The following PAPPA variants were observed in gnomAD, a reference collection of about 807,000 sequenced individuals.
The protein encoded by PAPPA is pappalysin 1.
A neutral mutation model predicts 164.0 loss-of-function variants in PAPPA; 60 were observed. The observed-to-expected ratio is 0.37, with a 90% CI of 0.30 to 0.45. The LOEUF (loss-of-function observed/expected upper bound fraction) is 0.45. Ranked by LOEUF, PAPPA falls within the 20% of genes least tolerant of loss-of-function variation. The pLI is 1.00. For missense variants in PAPPA, 1,782 were observed against 2,087.3 expected (o/e 0.85, Z 2.85); for synonymous variants, 875 against 814.1 (o/e 1.07, Z -1.27).
chr9:116,398,328 A>G lies in PAPPA; in HGVS notation c.*1712A>G, dbSNP rs1846994175. 1 of 314,734 alleles carries G rather than the reference A, an allele frequency of 3.2e-6. No individual in the cohort carries two copies. The highest frequency in any genetic ancestry group is 2.2e-5 in the African/African-American group (1 of 45,642). The allele number at this position is 314,734 out of a possible 1,614,324, so 19.5% of individuals were successfully genotyped here. A position where few individuals can be genotyped will look rare whatever the true frequency, so the allele number is the denominator to read the frequency against. ...GGAAGGTCTAGACTAGTTACATCAC[A>G]TAGGGATTACTGTAAATCAAGTCAT... On this transcript the variant is annotated 3_prime_UTR_variant, in exon 22 of 22. Coordinates refer to ENST00000328252, the MANE Select transcript of PAPPA (RefSeq NM_002581.5).
At chr9:116,335,166 A>G in intron 13 of PAPPA, 92 bp downstream of exon 13, 3 of 1,063,442 alleles carry the variant, frequency 2.8e-6, no homozygotes, top group East Asian at 2.4e-5. Context: ...GTGTGGATGT[A>G]AAAAGTCTGT....
intron 10 of PAPPA, among the ~76,000 whole-genome samples, chr9:116,329,510 C>CT (rs1333845828): frequency 5.3e-5 from 8 of 151,922 alleles, no homozygotes; most frequent in Non-Finnish European, 1.2e-4. Context: ...GATTGAGGTC[C>CT]TTTTTTTTCC....
intron 7 of PAPPA, among the ~76,000 whole-genome samples, chr9:116,251,462 C>T (rs906490155): frequency 6.6e-6 from 1 of 152,160 alleles, no homozygotes; most frequent in Admixed American, 6.5e-5. Context: ...CCCAGAGAGG[C>T]CACAGGGAGG....
chr9:116,311,669 T>C (rs898754063), intron 10 of PAPPA, among the ~76,000 whole-genome samples: 1 of 152,222 alleles, frequency 6.6e-6, no homozygotes, highest in Non-Finnish European at 1.5e-5. Flanking sequence ...ATTGTCCTCA[T>C]CTTCACATGA....
At chr9:116,261,875 A>G (rs1022433699) in intron 7 of PAPPA, among the ~76,000 whole-genome samples, 2 of 148,568 alleles carry the variant, frequency 1.3e-5, no homozygotes, top group Non-Finnish European at 3.0e-5. Flanking sequence ...TGACGGTTAA[A>G]TGTAGAAAAA....
At chr9:116,272,362 A>C (rs2118827711) in intron 9 of PAPPA, among the ~76,000 whole-genome samples, 1 of 152,364 alleles carries the variant, frequency 6.6e-6, no homozygotes, top group East Asian at 1.9e-4. Context: ...CAAGCGGATG[A>C]AAACCTTCGT....
chr9:116,255,782 A>G (rs1260314616), intron 7 of PAPPA, among the ~76,000 whole-genome samples: 1 of 151,992 alleles, frequency 6.6e-6, no homozygotes, highest in Non-Finnish European at 1.5e-5. Flanking sequence ...GAAAATCTAC[A>G]TGTTTGGTGA....
chr9:116,269,554 G>A (rs1845113832), intron 8 of PAPPA, among the ~76,000 whole-genome samples: 1 of 152,214 alleles, frequency 6.6e-6, no homozygotes, highest in Non-Finnish European at 1.5e-5. Context: ...CAAGATGTCT[G>A]TGGACACAGA....
chr9:116,184,047 A>C (rs1179514939), intron 1 of PAPPA, among the ~76,000 whole-genome samples: 1 of 152,216 alleles, frequency 6.6e-6, no homozygotes, highest in Non-Finnish European at 1.5e-5. Flanking sequence ...GAGAGAGGGA[A>C]AAAGGATCTT....
intron 19 of PAPPA, among the ~76,000 whole-genome samples, chr9:116,377,238 C>G (rs1346319051): frequency 1.3e-5 from 2 of 151,992 alleles, no homozygotes; most frequent in Non-Finnish European, 2.9e-5. Context: ...CTCCTCCCCC[C>G]ACCTTATCCC....
At chr9:116,227,403 C>T (rs561379527) in intron 5 of PAPPA, 28 bp from the exon 6 acceptor site, 4 of 1,613,074 alleles carry the variant, frequency 2.5e-6, no homozygotes, top group Non-Finnish European at 3.4e-6. Flanking sequence ...TAAGTCGGTG[C>T]ATTTTCCCTC....
intron 9 of PAPPA, among the ~76,000 whole-genome samples, chr9:116,294,438 G>A (rs1845476257): frequency 6.6e-6 from 1 of 152,150 alleles, no homozygotes; most frequent in African/African-American, 2.4e-5. Flanking sequence ...TGGTTGAGGA[G>A]GTTAAGAAGA....
chr9:116,231,713 GGA>G (rs1844596410), intron 6 of PAPPA, among the ~76,000 whole-genome samples: 1 of 93,668 alleles, frequency 1.1e-5, no homozygotes, highest in Non-Finnish European at 2.2e-5. Flanking sequence ...ATGGATGGAT[GGA>G]TGGATAGTGT....
chr9:116,344,780 T>C (rs998585891), intron 14 of PAPPA, 69 bp downstream of exon 14: 1 of 1,404,144 alleles, frequency 7.1e-7, no homozygotes, highest in Non-Finnish European at 9.9e-7. Flanking sequence ...TTAACCATGT[T>C]CTCTGCTAAA....
intron 7 of PAPPA, among the ~76,000 whole-genome samples, chr9:116,237,676 A>G (rs1844685704): frequency 6.6e-6 from 1 of 151,250 alleles, no homozygotes. Context: ...CGATGCCTCA[A>G]CTTTGCATGC....
At position 116,397,011 on chromosome 9, in the gene PAPPA, A is replaced by G. The variant is rs10983134; in HGVS notation, c.*395A>G. ...CTGTGTGAGGGCAGTTCTGGAGATG[A>G]GCAGAGAGAGACCGGAATAAACTCA... On this transcript the variant is annotated 3_prime_UTR_variant, in exon 22 of 22. Transcript: ENST00000328252. 2,187 of 172,956 alleles carry G rather than the reference A, an allele frequency of 0.013. 192 individuals carry two copies. In the South Asian group the frequency reaches 0.2, roughly 16 times the overall value. 10.7% of individuals were successfully genotyped at this position (172,956 alleles called of 1,614,324 possible). A position where few individuals can be genotyped will look rare whatever the true frequency, so the allele number is the denominator to read the frequency against.
intron 7 of PAPPA, among the ~76,000 whole-genome samples, chr9:116,256,303 GTAC>G (rs571955103): frequency 1.1e-3 from 174 of 151,764 alleles, no homozygotes; most frequent in African/African-American, 4.0e-3. Flanking sequence ...AAACTAGAAA[GTAC>G]AATTTTCACA....
At chr9:116,241,841 T>C (rs985728830) in intron 7 of PAPPA, among the ~76,000 whole-genome samples, 1 of 152,150 alleles carries the variant, frequency 6.6e-6, no homozygotes, top group African/African-American at 2.4e-5. Context: ...TTTCTATGGC[T>C]CTTGAGCTGA....
intron 3 of PAPPA, among the ~76,000 whole-genome samples, chr9:116,208,291 C>A (rs1185183896): frequency 2.0e-5 from 3 of 152,154 alleles, no homozygotes; most frequent in Non-Finnish European, 4.4e-5. Context: ...TGTAAACATG[C>A]ATTTTTTTAA....
Sources: allele counts gnomAD v4.1 joint callset (sites outside exome capture counted in the v4.1 genomes callset), GRCh38; gene constraint gnomAD v4.1.1; transcripts MANE v1.5; gene names NCBI Gene and HGNC (gene_info 2026-07-23, HGNC 2026-07-21).